The following POLQ variants were observed in gnomAD, a reference collection of about 807,000 sequenced individuals.
POLQ encodes the protein epididymis secretory sperm binding protein.
POLQ carries 233 observed loss-of-function variants against 259.2 expected under a neutral mutation model. The ratio of observed to expected loss-of-function variants is 0.90; its 90% CI spans 0.81 to 1.00. The LOEUF (loss-of-function observed/expected upper bound fraction) is 1.00, where lower values mean the gene tolerates loss of function less well. Among genes scored for constraint, POLQ ranks in the 50% least tolerant of loss-of-function variants. The pLI, the probability that POLQ is intolerant of heterozygous loss-of-function variation, is 0.00. For synonymous variants in POLQ, 1,025 were observed against 1,048.8 expected, an observed-to-expected ratio of 0.98 and a Z score of 0.44; for missense variants, 2,871 against 3,051.6, an observed-to-expected ratio of 0.94 and a Z score of 1.39.
chr3:121,461,581 T>C (rs1187296686), intron 24 of POLQ, among the ~76,000 whole-genome samples: 4 of 149,224 alleles, frequency 2.7e-5, no homozygotes, highest in African/African-American at 7.4e-5. Flanking sequence ...AACCAGGGAG[T>C]TGGAGGTTGC....
In POLQ at chr3:121,539,578, C is replaced by T; in HGVS notation, c.486G>A (p.Gln162=). ...EKKYYLQSLF[Q]EVGIKVDGYM... ...AACCGTCTACTTTTATTCCTACTTC[C>T]TGAAACAGACTCTGAATTGAGTAAA... Residue 162 remains glutamine, a synonymous_variant, in exon 4 of 30, where the codon CAG becomes CAA. Coordinates refer to ENST00000264233, the MANE Select transcript of POLQ (RefSeq NM_199420.4). 3.1e-6 allele frequency: 5 copies of T among 1,612,208 alleles called. No individual in the cohort carries two copies. The highest frequency in any genetic ancestry group is 4.2e-6 in the Non-Finnish European group (5 of 1,178,742).
chr3:121,489,145 A>C lies in POLQ; in HGVS notation c.3786T>G (p.Thr1262=). Residue 1262 remains threonine, a synonymous_variant, in exon 16 of 30, where the codon ACT becomes ACG. Coordinates refer to ENST00000264233, the MANE Select transcript of POLQ (RefSeq NM_199420.4). ...ATGGAAGTACTTCACTGGGTATCAC[A>C]GTTCTGCTTATATCATCTCCTAATG... ...FQALGDDISR[T]VIPSEVLPSA... is the part of the protein sequence containing the mutation. 1 of 1,613,864 alleles carries C rather than the reference A, an allele frequency of 6.2e-7. No homozygotes were observed.
chr3:121,533,464 A>G (rs887271325), intron 5 of POLQ, among the ~76,000 whole-genome samples: 1 of 152,176 alleles, frequency 6.6e-6, no homozygotes, highest in African/African-American at 2.4e-5. Context: ...TAATCTTGTC[A>G]CCACTTGGTA....
rs537440858 is a variant in POLQ, at chr3:121,457,015, G to T, written c.7152+3035C>A. ...AAGGCTACAGTAACCAAAACAGCATGGTACTGGTACCAAAACAGAAATGTA... is the reference window on the plus strand; with the variant it reads ...AAGGCTACAGTAACCAAAACAGCATTGTACTGGTACCAAAACAGAAATGTA... On this transcript the variant is annotated intron_variant, in intron 25 of 29. Transcript: ENST00000264233. Among the ~76,000 whole-genome samples the T allele has an allele frequency of 4.6e-5, 7 of 152,260 alleles. No individual in the cohort carries two copies. The East Asian group carries it at 1.4e-3, about 29-fold the overall frequency.
Position 121,432,381 on chromosome 3 carries a change from C to T in POLQ, c.7696G>A (p.Val2566Ile), listed in dbSNP as rs2108770677. ...ACTTTCAATTTCACAGACAGTTTTACAGCACTTTCCATTTCATTCTTGACA... is the reference window on the plus strand; with the variant it reads ...ACTTTCAATTTCACAGACAGTTTTATAGCACTTTCCATTTCATTCTTGACA... ...QIVKNEMESA[V>I]KLSVKLKVKV... Residue 2566 changes from valine to isoleucine, a missense_variant, in exon 30 of 30, where the codon GTA becomes ATA. Coordinates refer to ENST00000264233, the MANE Select transcript of POLQ (RefSeq NM_199420.4). 6.2e-7 allele frequency: 1 copy of T among 1,609,614 alleles called. No individual in the cohort carries two copies. Among genetic ancestry groups the T allele is most frequent in the African/African-American group, 1.3e-5 (1 of 74,694 alleles).
At chr3:121,528,267 A>G (rs2331962) in intron 7 of POLQ, among the ~76,000 whole-genome samples, 99,274 of 151,572 alleles carry the variant, frequency 0.65, 32,726 homozygotes, top group East Asian at 0.89. Context: ...GATTACAGGT[A>G]CCCGACATCA....
intron 24 of POLQ, among the ~76,000 whole-genome samples, chr3:121,463,415 T>TG: frequency 6.6e-6 from 1 of 152,134 alleles, no homozygotes; most frequent in East Asian, 1.9e-4. Flanking sequence ...CAGTCTCAGG[T>TG]AGGTCTTTAT....
chr3:121,524,937 T>TACAC lies in POLQ; in HGVS notation c.1109-2792_1109-2789dup, dbSNP rs33965431. Among the ~76,000 whole-genome samples, 606 of 148,626 alleles carry TACAC rather than the reference T, an allele frequency of 4.1e-3. 3 individuals are homozygous for TACAC. Among genetic ancestry groups the TACAC allele is most frequent in the African/African-American group, 0.012 (479 of 40,120 alleles). Reference sequence around the variant, plus strand: ...ATGTGCGTGTATATTTGTGTATAAATACACACACACACACACACACACACA... The same window carrying TACAC: ...ATGTGCGTGTATATTTGTGTATAAATACACACACACACACACACACACACACACA... On this transcript the variant is annotated intron_variant, in intron 7 of 29. Transcript: ENST00000264233.
At chr3:121,449,465 C>A (rs755328605) in intron 25 of POLQ, 39 bp from the exon 26 acceptor site, 26 of 1,113,216 alleles carry the variant, frequency 2.3e-5, no homozygotes, top group Middle Eastern at 2.0e-4. Context: ...GTTATAAGTA[C>A]ATAAAATGCA....
intron 27 of POLQ, among the ~76,000 whole-genome samples, chr3:121,439,304 C>T (rs1161776906): frequency 6.6e-6 from 1 of 151,520 alleles, no homozygotes; most frequent in African/African-American, 2.4e-5. Context: ...AATCATGGCT[C>T]ACTGCAGCCT....
intron 12 of POLQ, among the ~76,000 whole-genome samples, chr3:121,499,754 A>G (rs2048152700): frequency 1.3e-5 from 2 of 152,230 alleles, no homozygotes; most frequent in African/African-American, 2.4e-5. Flanking sequence ...ATAGGAAAGT[A>G]TGTCTCAAAC....
intron 19 of POLQ, among the ~76,000 whole-genome samples, chr3:121,481,256 G>T (rs559681812): frequency 6.6e-6 from 1 of 152,220 alleles, no homozygotes; most frequent in Non-Finnish European, 1.5e-5. Context: ...TCACACAAGG[G>T]CCAGAAGTCA....
At chr3:121,466,752 T>G (rs563170614) in intron 24 of POLQ, among the ~76,000 whole-genome samples, 1 of 151,806 alleles carries the variant, frequency 6.6e-6, no homozygotes, top group African/African-American at 2.4e-5. Context: ...CTTGGATAAC[T>G]TTGATAGAAT....
intron 12 of POLQ, among the ~76,000 whole-genome samples, chr3:121,501,859 G>A (rs2048172864): frequency 1.3e-5 from 2 of 150,620 alleles, no homozygotes; most frequent in Non-Finnish European, 3.0e-5. Flanking sequence ...GAGTGGTGGC[G>A]CATGCCTGTA....
intron 24 of POLQ, among the ~76,000 whole-genome samples, chr3:121,461,808 G>A (rs1014022947): frequency 1.3e-5 from 2 of 152,034 alleles, no homozygotes; most frequent in Non-Finnish European, 2.9e-5. Context: ...TACATAAAAG[G>A]CCTCATACAT....
intron 3 of POLQ, among the ~76,000 whole-genome samples, chr3:121,539,956 C>T (rs1276707652): frequency 1.3e-5 from 2 of 152,044 alleles, no homozygotes; most frequent in African/African-American, 2.4e-5. Flanking sequence ...CAAATTTATA[C>T]TTCATGAGGA....
intron 9 of POLQ, among the ~76,000 whole-genome samples, chr3:121,515,129 C>T (rs1321587615): frequency 3.3e-5 from 5 of 152,174 alleles, no homozygotes; most frequent in Admixed American, 1.3e-4. Flanking sequence ...CACTCCAAGT[C>T]CCCACCTAGG....
At chr3:121,538,585 C>CA (rs34448538) in intron 4 of POLQ, among the ~76,000 whole-genome samples, 1,477 of 96,950 alleles carry the variant, frequency 0.015, 21 homozygotes, top group African/African-American at 0.044. Flanking sequence ...ATTCATTCAC[C>CA]AAAAAAAAAA....
intron 25 of POLQ, among the ~76,000 whole-genome samples, chr3:121,452,655 G>A (rs112451200): frequency 4.7e-4 from 71 of 152,046 alleles, no homozygotes; most frequent in East Asian, 1.4e-3. Context: ...TGTCTCCGGC[G>A]GATAAGTGTG....
Sources: allele counts gnomAD v4.1 joint callset (sites outside exome capture counted in the v4.1 genomes callset), GRCh38; gene constraint gnomAD v4.1.1; transcripts MANE v1.5; gene names NCBI Gene and HGNC (gene_info 2026-07-23, HGNC 2026-07-21).